The following HK1 variants were observed in gnomAD, a reference collection of about 807,000 sequenced individuals.
HK1 encodes hexokinase 1.
HK1 carries 28 observed loss-of-function variants against 91.6 expected under a neutral mutation model. That is an observed-to-expected ratio of 0.31 (90% CI 0.23 to 0.42). The LOEUF is 0.42. Ranked by LOEUF, HK1 falls within the 10% of genes least tolerant of loss-of-function variation. The pLI is 1.00. For synonymous variants in HK1, 430 were observed against 468.1 expected (o/e 0.92, Z 1.05); for missense variants, 770 against 1,219.8 (o/e 0.63, Z 5.49).
chr10:69,379,949 C>A lies in HK1; in HGVS notation c.1119C>A (p.His373Gln), dbSNP rs538951044. 6.2e-7 allele frequency: 1 copy of A among 1,614,198 alleles called. No homozygotes were observed. Among genetic ancestry groups the A allele is most frequent in the Non-Finnish European group, 8.5e-7 (1 of 1,180,018 alleles). ...PSDDDCVSVQ[H>Q]VCTIVSFRSA... ...ATGATGACTGTGTCTCAGTCCAGCA[C>A]GTTTGCACCATTGTCTCATTTCGCT... Residue 373 changes from histidine to glutamine, a missense_variant, in exon 9 of 18, where the codon CAC becomes CAA. His to Gln is a conservative substitution (Grantham distance 24). This residue lies in a region of HK1 where 449 missense variants were observed against 665.1 expected (regional missense o/e 0.68). Coordinates refer to ENST00000359426, the MANE Select transcript of HK1 (RefSeq NM_000188.3).
At chr10:69,360,342 A>G (rs572273635) in intron 3 of HK1, among the ~76,000 whole-genome samples, 5 of 152,222 alleles carry the variant, frequency 3.3e-5, no homozygotes, top group Admixed American at 1.3e-4. Context: ...GGGTAAATGC[A>G]CTCATTCCCT....
Position 69,360,041 on chromosome 10 carries a change from G to A in HK1, c.371G>A (p.Ser124Asn), listed in dbSNP as rs774579560. 3.4e-5 allele frequency: 55 copies of A among 1,613,840 alleles called. No individual in the cohort carries two copies. Among genetic ancestry groups the A allele is most frequent in the Non-Finnish European group, 2.6e-5 (31 of 1,179,968 alleles). Residue 124 changes from serine to asparagine, a missense_variant, in exon 3 of 18, where the codon AGC (serine) becomes AAC (asparagine). Ser to Asn is a conservative substitution (Grantham distance 46). Around this residue, in one of 7 missense-constraint regions of HK1, gnomAD observed 449 missense variants for 665.1 expected, o/e 0.68. Transcript: ENST00000359426. ...TPENIVHGSG[S>N]QLFDHVAECL... ...GAGAACATCGTGCACGGCAGTGGAA[G>A]CCAGGTGGGTCCCTGCTCCCTCCGG...
chr10:69,310,002 A>C (rs907653598), intron 5 of HK1, among the ~76,000 whole-genome samples: 2 of 150,646 alleles, frequency 1.3e-5, no homozygotes, highest in Non-Finnish European at 3.0e-5. Flanking sequence ...GTGAGCCGGG[A>C]TCACGCTACT....
chr10:69,360,977 T>C (rs1849388856), intron 3 of HK1, among the ~76,000 whole-genome samples: 2 of 152,220 alleles, frequency 1.3e-5, no homozygotes, highest in Non-Finnish European at 2.9e-5. Context: ...GCAAGGTTCA[T>C]GACTAAGATT....
At chr10:69,340,876 C>G (rs929154772) in intron 1 of HK1, among the ~76,000 whole-genome samples, 5 of 152,118 alleles carry the variant, frequency 3.3e-5, no homozygotes, top group African/African-American at 4.8e-5. Context: ...GACAGTCTTT[C>G]CAGGCACACC....
At chr10:69,379,685 T>G (rs377266889) in intron 8 of HK1, among the ~76,000 whole-genome samples, 177 bp from the exon 9 acceptor site, 22 of 152,342 alleles carry the variant, frequency 1.4e-4, no homozygotes, top group African/African-American at 4.8e-4. Context: ...GCATTTCTTA[T>G]GGAGGAGAAC....
intron 4 of HK1, among the ~76,000 whole-genome samples, chr10:69,366,399 C>T (rs931910778): frequency 1.3e-5 from 2 of 152,144 alleles, no homozygotes; most frequent in African/African-American, 4.8e-5. Flanking sequence ...AGCGTCCTTT[C>T]CTGGGCACTG....
Position 69,343,701 on chromosome 10 carries a change from G to A in HK1, c.64-126G>A, listed in dbSNP as rs1848403809. The A allele has an allele frequency of 7.0e-5, 55 of 785,196 alleles. 1 individual carries two copies. Among genetic ancestry groups the A allele is most frequent in the South Asian group, 6.8e-4 (50 of 73,990 alleles). 48.6% of individuals were successfully genotyped at this position (785,196 alleles called of 1,614,324 possible). On this transcript the variant is annotated intron_variant, in intron 1 of 17. Transcript: ENST00000359426. Reference sequence around the variant, plus strand: ...GATGACAGCAGTTGAATGACCTTCCGCCATGCGATGTGCCAGCGTGCGTGT... The same window carrying A: ...GATGACAGCAGTTGAATGACCTTCCACCATGCGATGTGCCAGCGTGCGTGT...
rs1463481163 is a variant in HK1, at chr10:69,275,494, A to G, written c.-391+5386A>G. On this transcript the variant is annotated intron_variant, in intron 1 of 21. Coordinates refer to the HK1 transcript ENST00000360289. ...TTAATTATATGTTGATTTATGGCCT[A>G]TATCAGGGATTGACTAATTACTTCT... Among the ~76,000 whole-genome samples, 5 of 152,268 alleles carry G rather than the reference A, an allele frequency of 3.3e-5. No homozygotes were observed. In the East Asian group the frequency reaches 9.6e-4, roughly 29 times the overall value.
chr10:69,325,153 G>A (rs1396098040), intron 1 of HK1, among the ~76,000 whole-genome samples: 2 of 146,486 alleles, frequency 1.4e-5, no homozygotes, highest in Non-Finnish European at 3.0e-5. Flanking sequence ...CTGGGTTCTC[G>A]CCATTCTCCT....
At chr10:69,383,613 G>T (rs1227702655) in intron 10 of HK1, among the ~76,000 whole-genome samples, 1 of 152,352 alleles carries the variant, frequency 6.6e-6, no homozygotes. Context: ...GCCAGGATTG[G>T]CTGACCTCTG....
At chr10:69,319,180 C>T (rs1177452038) in intron 1 of HK1, 170 bp downstream of exon 1, 4 of 815,218 alleles carry the variant, frequency 4.9e-6, no homozygotes, top group Non-Finnish European at 8.0e-6. Context: ...CCGGCATTGT[C>T]AGTGTCTCTG....
intron 1 of HK1, among the ~76,000 whole-genome samples, chr10:69,341,749 C>G (rs1056427415): frequency 1.3e-5 from 2 of 152,016 alleles, no homozygotes; most frequent in Admixed American, 1.3e-4. Flanking sequence ...AGCCACCATG[C>G]CTGGCCTCTT....
rs147082106 is a variant in HK1 at position 69,322,953 on chromosome 10, T to C, written c.63+3943T>C. ...GGTGAGAGAGGTGATAGTTAGAAAATTGTGAAAAATCTGGCTGGGCACAGT... is the reference window on the plus strand; with the variant it reads ...GGTGAGAGAGGTGATAGTTAGAAAACTGTGAAAAATCTGGCTGGGCACAGT... On this transcript the variant is annotated intron_variant, in intron 1 of 17. Transcript: ENST00000359426. 1.4e-3 allele frequency among the ~76,000 whole-genome samples: 187 copies of C among 134,074 alleles called. 2 individuals carry two copies. The highest frequency in any genetic ancestry group is 6.3e-3 in the Middle Eastern group (1 of 160). The allele number at this position is 134,074 out of a possible 152,430, so 88.0% of individuals were successfully genotyped here.
chr10:69,349,288 A>G (rs1848722957), intron 2 of HK1, among the ~76,000 whole-genome samples: 1 of 152,178 alleles, frequency 6.6e-6, no homozygotes, highest in Non-Finnish European at 1.5e-5. Context: ...CCATTTCCTC[A>G]TGGGTAAAAT....
chr10:69,364,099 A>T (rs747089449), intron 3 of HK1, among the ~76,000 whole-genome samples: 116 of 152,316 alleles, frequency 7.6e-4, no homozygotes, highest in Middle Eastern at 3.4e-3. Flanking sequence ...GGTGGCTGGC[A>T]GTTGCCCTTG....
Position 69,401,561 on chromosome 10 carries a change from G to A in HK1, c.*426G>A. 2.8e-6 allele frequency: 1 copy of A among 354,182 alleles called. No homozygotes were observed. The highest frequency in any genetic ancestry group is 5.5e-6 in the Non-Finnish European group (1 of 180,844). 21.9% of individuals were successfully genotyped at this position (354,182 alleles called of 1,614,324 possible). A position where few individuals can be genotyped will look rare whatever the true frequency, so the allele number is the denominator to read the frequency against. On this transcript the variant is annotated 3_prime_UTR_variant, in exon 18 of 18. Transcript: ENST00000359426. ...TATTATCACCAGCAGACACTGCCGGGCCTCCCTCCCGGGGGCACTGCCTGA... is the reference window on the plus strand; with the variant it reads ...TATTATCACCAGCAGACACTGCCGGACCTCCCTCCCGGGGGCACTGCCTGA...
intron 1 of HK1, among the ~76,000 whole-genome samples, chr10:69,281,188 G>A (rs1372022962): frequency 1.3e-5 from 2 of 152,172 alleles, no homozygotes; most frequent in Non-Finnish European, 2.9e-5. Flanking sequence ...AGGAGGGCTT[G>A]TTAAAACACA....
chr10:69,304,347 G>A (rs1053371510), intron 5 of HK1, among the ~76,000 whole-genome samples: 8 of 149,458 alleles, frequency 5.4e-5, no homozygotes, highest in South Asian at 2.1e-4. Context: ...TCGCTCTATC[G>A]CCCAGAATGG....
Sources: allele counts gnomAD v4.1 joint callset (sites outside exome capture counted in the v4.1 genomes callset), GRCh38; gene constraint gnomAD v4.1.1; regional missense constraint gnomAD v4.1.1; transcripts MANE v1.5; gene names NCBI Gene and HGNC (gene_info 2026-07-23, HGNC 2026-07-21).